The following UNC13D variants were observed in gnomAD, a reference collection of about 807,000 sequenced individuals.
UNC13D encodes the protein unc-13 homolog D.
A neutral mutation model predicts 151.7 loss-of-function variants in UNC13D; 115 were observed. The ratio of observed to expected loss-of-function variants is 0.76; its 90% CI spans 0.65 to 0.88. The LOEUF (loss-of-function observed/expected upper bound fraction) is 0.88. Ranked by LOEUF, UNC13D falls within the 40% of genes least tolerant of loss-of-function variation. The pLI is 0.00. For missense variants in UNC13D, 1,369 were observed against 1,438.7 expected, an observed-to-expected ratio of 0.95 and a Z score of 0.78; for synonymous variants, 588 against 612.2, an observed-to-expected ratio of 0.96 and a Z score of 0.58.
intron 1 of UNC13D, 55 bp downstream of exon 1, chr17:75,844,166 C>T: frequency 1.3e-6 from 2 of 1,597,458 alleles, no homozygotes; most frequent in Non-Finnish European, 1.7e-6. Flanking sequence ...GCACCCGTAC[C>T]CGAGACCACA....
In UNC13D at chr17:75,842,857, C is replaced by G; in HGVS notation, c.388G>C (p.Gly130Arg). ...AKGILGKDVSGFSDPYCLLGI... is the reference protein window; with the variant it reads ...AKGILGKDVSRFSDPYCLLGI... ...CTTGGGGACCCCACCCCATGCTCACCACTGACATCTTTGCCCAGAATGCCC... is the reference window on the plus strand; with the variant it reads ...CTTGGGGACCCCACCCCATGCTCACGACTGACATCTTTGCCCAGAATGCCC... Residue 130 changes from glycine to arginine, a missense_variant and splice_region_variant, in exon 5 of 32, where the codon GGG (glycine) becomes CGG (arginine). This residue lies in a region of UNC13D where 550 missense variants were observed against 609.0 expected (regional missense o/e 0.90). Coordinates refer to ENST00000207549, the MANE Select transcript of UNC13D (RefSeq NM_199242.3). 6.2e-7 allele frequency: 1 copy of G among 1,613,472 alleles called. No homozygotes were observed. The highest frequency in any genetic ancestry group is 8.5e-7 in the Non-Finnish European group (1 of 1,179,944).
intron 29 of UNC13D, 44 bp from the exon 30 acceptor site, chr17:75,830,195 G>A (rs1220632159): frequency 6.4e-7 from 1 of 1,571,966 alleles, no homozygotes; most frequent in Non-Finnish European, 8.6e-7. Context: ...GGGTCTCCCA[G>A]GCACCCCACC....
intron 21 of UNC13D, 88 bp from the exon 22 acceptor site, chr17:75,834,804 G>A: frequency 6.2e-7 from 1 of 1,606,508 alleles, no homozygotes; most frequent in Non-Finnish European, 8.5e-7. Context: ...TCAGCGACTT[G>A]GGGGATTTAG....
At chr17:75,829,301 A>G (rs911039692) in intron 30 of UNC13D, among the ~76,000 whole-genome samples, 6 of 152,228 alleles carry the variant, frequency 3.9e-5, no homozygotes, top group African/African-American at 1.4e-4. Flanking sequence ...AAGGGAAGCA[A>G]ACTTTTTTTT....
chr17:75,834,756 G>T, intron 21 of UNC13D, 40 bp from the exon 22 acceptor site: 1 of 1,610,592 alleles, frequency 6.2e-7, no homozygotes, highest in Non-Finnish European at 8.5e-7. Flanking sequence ...TCCATGGGTG[G>T]GGCATCCAGG....
Position 75,840,316 on chromosome 17 carries a change from C to T in UNC13D, c.767G>A (p.Arg256Gln), listed in dbSNP as rs772621834. ...TTCCAGGGGGTACCACTGGTCCTCT[C>T]GGCAGCGCAGGTCCTGACAGGCGGG... is the stretch of plus-strand genomic sequence containing the variant. Reference protein sequence around the residue: ...VVLRLQDLRCREDQWYPLEPR... With the variant: ...VVLRLQDLRCQEDQWYPLEPR... The change falls in exon 10 of 32, where the codon CGA becomes CAA. Residue 256 changes from arginine to glutamine, a missense_variant. Coordinates refer to ENST00000207549, the MANE Select transcript of UNC13D (RefSeq NM_199242.3). This position sits in a 1 kb window ranked among gnomAD's most constrained non-coding sequence, Gnocchi z 4.6. 28 of 1,613,606 alleles carry T rather than the reference C, an allele frequency of 1.7e-5. No homozygotes were observed. The East Asian group carries it at 5.1e-4, about 30-fold the overall frequency.
intron 1 of UNC13D, 111 bp from the exon 2 acceptor site, chr17:75,843,630 A>G (rs779693865): frequency 2.0e-5 from 30 of 1,532,000 alleles, no homozygotes; most frequent in Admixed American, 1.2e-4. Context: ...GGGCCCCAGC[A>G]CCCCGGCCTC....
chr17:75,836,702 G>T lies in UNC13D; in HGVS notation c.1174-6C>A. The T allele has an allele frequency of 6.2e-7, 1 of 1,613,556 alleles. No homozygotes were observed. The highest frequency in any genetic ancestry group is 2.2e-5 in the East Asian group (1 of 44,884). On this transcript the variant is annotated splice_region_variant and splice_polypyrimidine_tract_variant and intron_variant, in intron 13 of 31. Transcript: ENST00000207549. ...GAGGCGGCCAGCTCCTCCTGCTGAA[G>T]AGCCAGGAGATGCTTTAGGGGCCTA...
chr17:75,831,428 G>A, intron 25 of UNC13D, 80 bp from the exon 26 acceptor site: 1 of 1,361,772 alleles, frequency 7.3e-7, no homozygotes, highest in Non-Finnish European at 1.0e-6. Context: ...CTTGAGAAAG[G>A]GGCGGCCTCA....
Position 75,835,734 on chromosome 17 carries a change from A to T in UNC13D, c.1640T>A (p.Val547Glu). ...ACTCTCGCCCATCTCTGGGGACACT[A>T]CATCACCCACAACCGTCGTGTGGTC... ...VQDHTTVVGDVVSPEMGESLF... is the reference protein window; with the variant it reads ...VQDHTTVVGDEVSPEMGESLF... The change falls in exon 19 of 32, where the codon GTA becomes GAA. Residue 547 changes from valine (V) to glutamate (E), a missense_variant. Val to Glu is a moderately radical substitution (Grantham distance 121). This residue lies in a region of UNC13D where 807 missense variants were observed against 795.5 expected (regional missense o/e 1.01). Transcript: ENST00000207549. The T allele has an allele frequency of 6.2e-7, 1 of 1,613,810 alleles. No individual in the cohort carries two copies. The highest frequency in any genetic ancestry group is 8.5e-7 in the Non-Finnish European group (1 of 1,180,030).
intron 5 of UNC13D, 62 bp downstream of exon 5, chr17:75,842,795 G>A: frequency 6.2e-7 from 1 of 1,607,568 alleles, no homozygotes; most frequent in Non-Finnish European, 8.5e-7. Context: ...TCCTGGGCCA[G>A]GCTGTGATGG....
chr17:75,830,567 A>G lies in UNC13D; in HGVS notation c.2709+11T>C. ...GCCTGCAGAGGGCGCAGTGCGAGGG[A>G]GGGGCCTCACCTGCTGCTGGATTCG... On this transcript the variant is annotated intron_variant, in intron 28 of 31. Coordinates refer to ENST00000207549, the MANE Select transcript of UNC13D (RefSeq NM_199242.3). 1 of 1,565,170 alleles carries G rather than the reference A, an allele frequency of 6.4e-7. No individual in the cohort carries two copies. Among genetic ancestry groups the G allele is most frequent in the Non-Finnish European group, 8.7e-7 (1 of 1,154,768 alleles).
chr17:75,843,858 G>A, intron 1 of UNC13D: 2 of 1,371,788 alleles, frequency 1.5e-6, no homozygotes, highest in South Asian at 1.6e-5. Flanking sequence ...AGGTGAGGGG[G>A]GTGCCACGTC....
chr17:75,833,417 C>T lies in UNC13D; in HGVS notation c.2368-372G>A, dbSNP rs141703410. Reference sequence around the variant, plus strand: ...CCCTGGCCACCATCTAAAAATACAACCCTCTGACACTTCTCAGCCGCTTCT... The same window carrying T: ...CCCTGGCCACCATCTAAAAATACAATCCTCTGACACTTCTCAGCCGCTTCT... On this transcript the variant is annotated intron_variant, in intron 24 of 31. Coordinates refer to ENST00000207549, the MANE Select transcript of UNC13D (RefSeq NM_199242.3). The surrounding 1 kb of genome is among the most constrained non-coding windows in gnomAD (Gnocchi z 4.0). 1 of 245,488 alleles carries T rather than the reference C, an allele frequency of 4.1e-6. No homozygotes were observed. Among genetic ancestry groups the T allele is most frequent in the East Asian group, 8.7e-5 (1 of 11,530 alleles). The allele number at this position is 245,488 out of a possible 1,614,324, so 15.2% of individuals were successfully genotyped here.
At chr17:75,829,483 C>G (rs144446289) in intron 30 of UNC13D, among the ~76,000 whole-genome samples, 15 of 151,838 alleles carry the variant, frequency 9.9e-5, no homozygotes, top group East Asian at 3.9e-4. Flanking sequence ...TTAGTAGAGA[C>G]GGGGTTTCAC....
chr17:75,828,860 G>C lies in UNC13D; in HGVS notation c.3078C>G (p.Pro1026=), dbSNP rs372034111. The change falls in exon 31 of 32, where the codon CCC becomes CCG. Residue 1026 remains proline, a synonymous_variant. Transcript: ENST00000207549. ...CAGGCTCCTCAGAGCCACTCAGCCC[G>C]GGCACCTCACGCAGCGGCAGGAAGG... ...GEAFLPLREV[P]GLSGSEEPGE... 5.0e-6 allele frequency: 8 copies of C among 1,595,876 alleles called. No individual in the cohort carries two copies. The highest frequency in any genetic ancestry group is 2.3e-5 in the East Asian group (1 of 44,234).
chr17:75,844,177 G>C lies in UNC13D; in HGVS notation c.117+44C>G, dbSNP rs780778902. ...CAGGGCACCCGTACCCGAGACCACA[G>C]TGCTCCCCAAGGCCAGCTCTCTCCC... On this transcript the variant is annotated intron_variant, in intron 1 of 31. Coordinates refer to ENST00000207549, the MANE Select transcript of UNC13D (RefSeq NM_199242.3). 2.5e-6 allele frequency: 4 copies of C among 1,602,728 alleles called. No homozygotes were observed. The Admixed American group carries it at 5.0e-5, about 20-fold the overall frequency.
At chr17:75,842,725 C>A in intron 5 of UNC13D, 112 bp from the exon 6 acceptor site, 3 of 1,595,324 alleles carry the variant, frequency 1.9e-6, no homozygotes, top group Non-Finnish European at 2.6e-6. Flanking sequence ...GGGAAGGGGA[C>A]CAGCAGCATG....
In UNC13D at chr17:75,832,093, G is replaced by T. The variant is rs11077797; in HGVS notation, c.2448-745C>A. 0.18 allele frequency: 27,875 copies of T among 152,404 alleles called. 4,513 individuals carry two copies. Among genetic ancestry groups the T allele is most frequent in the African/African-American group, 0.43 (17,789 of 41,496 alleles). 9.4% of individuals were successfully genotyped at this position (152,404 alleles called of 1,614,324 possible). ...GATCGCGCCACTGCACTCCAGCCTG[G>T]GCGACAGAGCGAGACTCCGTCTCAA... On this transcript the variant is annotated intron_variant, in intron 25 of 31. Transcript: ENST00000207549. The surrounding 1 kb of genome is among the most constrained non-coding windows in gnomAD (Gnocchi z 4.3).
Sources: allele counts gnomAD v4.1 joint callset (sites outside exome capture counted in the v4.1 genomes callset), GRCh38; gene constraint gnomAD v4.1.1; regional missense constraint gnomAD v4.1.1; non-coding constraint Gnocchi (gnomAD v3.1); transcripts MANE v1.5; gene names NCBI Gene and HGNC (gene_info 2026-07-23, HGNC 2026-07-21).